Variants in PPEF2 observed in about 807,000 individuals in gnomAD.
PPEF2 encodes the protein protein phosphatase with EF-hand domain 2, also known as serine/threonine-protein phosphatase with EF-hands 2.
PPEF2 carries 84 observed loss-of-function variants against 84.7 expected under a neutral mutation model. The ratio of observed to expected loss-of-function variants is 0.99; its 90% CI spans 0.83 to 1.19. The LOEUF (loss-of-function observed/expected upper bound fraction) is 1.19. Among genes scored for constraint, PPEF2 ranks in the 50% most tolerant of loss-of-function variants. The pLI is 0.00. For missense variants in PPEF2, 924 were observed against 937.5 expected (o/e 0.99, Z 0.19); for synonymous variants, 346 against 345.2 (o/e 1.00, Z -0.03).
intron 11 of PPEF2, 89 bp downstream of exon 11, chr4:75,876,198 C>T (rs1382167029): frequency 7.0e-7 from 1 of 1,433,716 alleles, no homozygotes; most frequent in African/African-American, 1.4e-5. Flanking sequence ...GAAAGAGGGG[C>T]CTCAAAACAT....
chr4:75,882,480 T>C (rs950939616), intron 10 of PPEF2, among the ~76,000 whole-genome samples: 1 of 151,864 alleles, frequency 6.6e-6, no homozygotes, highest in Admixed American at 6.6e-5. Flanking sequence ...ATGTACATGG[T>C]AGACATGACT....
At chr4:75,883,691 T>G (rs530080358) in intron 8 of PPEF2, among the ~76,000 whole-genome samples, 49 of 150,808 alleles carry the variant, frequency 3.2e-4, no homozygotes, top group African/African-American at 9.3e-4. Context: ...GGTGGCAGGC[T>G]CCTGTAGTCC....
At chr4:75,888,374 C>G in intron 5 of PPEF2, 46 bp from the exon 6 acceptor site, 2 of 1,424,616 alleles carry the variant, frequency 1.4e-6, no homozygotes, top group Non-Finnish European at 2.0e-6. Flanking sequence ...CACTGATATT[C>G]GTGAGGGAAA....
At chr4:75,867,227 C>T (rs1724151601) in intron 14 of PPEF2, 86 bp downstream of exon 14, 10 of 1,016,722 alleles carry the variant, frequency 9.8e-6, no homozygotes, top group Non-Finnish European at 1.5e-5. Context: ...ATTAAAGCAA[C>T]AAATATTTAT....
rs188890176 is a variant in PPEF2, at chr4:75,884,532, A to G, written c.746+62T>C. 2.5e-5 allele frequency: 37 copies of G among 1,467,622 alleles called. No individual in the cohort carries two copies. The East Asian group carries it at 7.6e-4, about 30-fold the overall frequency. 90.9% of individuals were successfully genotyped at this position (1,467,622 alleles called of 1,614,324 possible). On this transcript the variant is annotated intron_variant, in intron 8 of 16. Transcript: ENST00000286719. The stretch of plus-strand genomic sequence containing the variant: ...ATTTAACAAATAAGAAGTTCTGGAG[A>G]AATAACATTTTACAATTACAACAAA...
intron 10 of PPEF2, 24 bp downstream of exon 10, chr4:75,882,902 T>G: frequency 6.3e-7 from 1 of 1,594,212 alleles, no homozygotes; most frequent in Non-Finnish European, 8.5e-7. Context: ...ATGGTGAAAT[T>G]TGTATTATTT....
intron 7 of PPEF2, among the ~76,000 whole-genome samples, chr4:75,885,234 A>C (rs1724691540): frequency 6.6e-6 from 1 of 152,244 alleles, no homozygotes; most frequent in Non-Finnish European, 1.5e-5. Context: ...TAAAATATAT[A>C]TGAAAATAGC....
At chr4:75,896,440 G>C in intron 1 of PPEF2, 57 bp from the exon 2 acceptor site, 1 of 1,151,364 alleles carries the variant, frequency 8.7e-7, no homozygotes, top group African/African-American at 1.5e-5. Flanking sequence ...ATTAAATCGG[G>C]TGGGCCAAAT....
intron 16 of PPEF2, among the ~76,000 whole-genome samples, chr4:75,864,008 G>A (rs1406645863): frequency 2.6e-5 from 4 of 151,800 alleles, no homozygotes; most frequent in African/African-American, 9.7e-5. Context: ...AAGTACCTGG[G>A]ATTACGGACA....
intron 10 of PPEF2, 57 bp from the exon 11 acceptor site, chr4:75,876,730 G>C: frequency 6.7e-7 from 1 of 1,489,324 alleles, no homozygotes; most frequent in Non-Finnish European, 9.0e-7. Context: ...GCCCAGACAG[G>C]TGTGGTGGCC....
Position 75,860,842 on chromosome 4 carries a change from C to T in PPEF2, c.2087G>A (p.Cys696Tyr), listed in dbSNP as rs1334138441. The change falls in exon 17 of 17, where the codon TGC (cysteine) becomes TAC (tyrosine). Residue 696 changes from cysteine (C) to tyrosine (Y), a missense_variant. Transcript: ENST00000286719. ...SHMNIDITDDCICDLARSIDF... is the reference protein window; with the variant it reads ...SHMNIDITDDYICDLARSIDF... ...AATGCTCCGAGCAAGGTCACAGATGCAGTCATCTGTAATGTCGATATTCAT... is the reference window on the plus strand; with the variant it reads ...AATGCTCCGAGCAAGGTCACAGATGTAGTCATCTGTAATGTCGATATTCAT... The T allele has an allele frequency of 1.2e-6, 2 of 1,614,128 alleles. No homozygotes were observed. Among genetic ancestry groups the T allele is most frequent in the South Asian group, 1.1e-5 (1 of 91,082 alleles).
At chr4:75,862,664 G>C (rs911077633) in intron 16 of PPEF2, among the ~76,000 whole-genome samples, 2 of 152,134 alleles carry the variant, frequency 1.3e-5, no homozygotes, top group Non-Finnish European at 2.9e-5. Flanking sequence ...CATTGGTGAG[G>C]ATGTAGAGAA....
In PPEF2 at chr4:75,873,343, A is replaced by C. The variant is rs780654731; in HGVS notation, c.1321-31T>G. The C allele has an allele frequency of 5.8e-6, 9 of 1,557,980 alleles. No individual in the cohort carries two copies. The Admixed American group carries it at 9.2e-5, about 16-fold the overall frequency. ...AAGACCAAGAGATGATTTCCTTCCC[A>C]AAAACTAGATACATATTCATCCACA... On this transcript the variant is annotated intron_variant, in intron 11 of 16. Coordinates refer to ENST00000286719, the MANE Select transcript of PPEF2 (RefSeq NM_006239.3).
chr4:75,900,650 A>G (rs1170066195), intron 1 of PPEF2, among the ~76,000 whole-genome samples: 1 of 152,180 alleles, frequency 6.6e-6, no homozygotes, highest in Non-Finnish European at 1.5e-5. Context: ...TATGAGGAGT[A>G]CTTTGCAAAT....
intron 2 of PPEF2, among the ~76,000 whole-genome samples, chr4:75,894,719 G>A (rs908112013): frequency 6.6e-6 from 1 of 152,164 alleles, no homozygotes; most frequent in African/African-American, 2.4e-5. Context: ...GAAAAGGCAG[G>A]AGCTGGGGAA....
chr4:75,860,488 A>G lies in PPEF2; in HGVS notation c.*179T>C, dbSNP rs985954291. On this transcript the variant is annotated 3_prime_UTR_variant, in exon 17 of 17. Coordinates refer to ENST00000286719, the MANE Select transcript of PPEF2 (RefSeq NM_006239.3). The stretch of plus-strand genomic sequence containing the variant: ...GGGTTGGGGCACTCATATACTTAAA[A>G]CACATACATACACAACACCCCAACC... 15 of 746,620 alleles carry G rather than the reference A, an allele frequency of 2.0e-5. No homozygotes were observed. Among genetic ancestry groups the G allele is most frequent in the Non-Finnish European group, 3.0e-5 (14 of 471,420 alleles). 46.2% of individuals were successfully genotyped at this position (746,620 alleles called of 1,614,324 possible).
chr4:75,874,492 T>G (rs1724361580), intron 11 of PPEF2, among the ~76,000 whole-genome samples: 1 of 152,078 alleles, frequency 6.6e-6, no homozygotes, highest in South Asian at 2.1e-4. Context: ...AGACAGGATT[T>G]CACCATGTTA....
Position 75,867,033 on chromosome 4 carries a change from C to G in PPEF2, c.1756+280G>C, listed in dbSNP as rs970824025. ...CCAGTCTTATACTCTTATAACTTCTCCCACTTGTTCTTTGCTTGGTTCTGG... is the reference window on the plus strand; with the variant it reads ...CCAGTCTTATACTCTTATAACTTCTGCCACTTGTTCTTTGCTTGGTTCTGG... On this transcript the variant is annotated intron_variant, in intron 14 of 16. Transcript: ENST00000286719. Among the ~76,000 whole-genome samples the G allele has an allele frequency of 6.6e-5, 10 of 152,158 alleles. 1 individual carries two copies. Among genetic ancestry groups the G allele is most frequent in the Admixed American group, 2.6e-4 (4 of 15,260 alleles).
Position 75,888,195 on chromosome 4 carries a change from G to C in PPEF2, c.532+19C>G. ...TTCTTTGTGTGCAGCATGGAAAGCC[G>C]TTTCTGACCAGCTCTTACCACACAC... On this transcript the variant is annotated intron_variant, in intron 6 of 16. Transcript: ENST00000286719. 2 of 1,557,472 alleles carry C rather than the reference G, an allele frequency of 1.3e-6. No individual in the cohort carries two copies. The highest frequency in any genetic ancestry group is 1.8e-6 in the Non-Finnish European group (2 of 1,128,772).
Sources: allele counts gnomAD v4.1 joint callset (sites outside exome capture counted in the v4.1 genomes callset), GRCh38; gene constraint gnomAD v4.1.1; transcripts MANE v1.5; gene names NCBI Gene and HGNC (gene_info 2026-07-23, HGNC 2026-07-21).